Variants in EPB41L3 observed in about 807,000 individuals in gnomAD.
EPB41L3 encodes band 4.1-like protein 3.
A neutral mutation model predicts 127.1 loss-of-function variants in EPB41L3; 57 were observed. The ratio of observed to expected loss-of-function variants is 0.45; its 90% confidence interval spans 0.36 to 0.56. The LOEUF (loss-of-function observed/expected upper bound fraction) is 0.56, where lower values mean the gene tolerates loss of function less well. Ranked by LOEUF, EPB41L3 falls within the 20% of genes least tolerant of loss-of-function variation. The pLI is 0.00. For missense variants in EPB41L3, 1,273 were observed against 1,372.2 expected (o/e 0.93, Z 1.14); for synonymous variants, 572 against 549.5 (o/e 1.04, Z -0.57).
chr18:5,416,865 C>CA (rs1168460692), intron 12 of EPB41L3, among the ~76,000 whole-genome samples: 3 of 151,048 alleles, frequency 2.0e-5, no homozygotes, highest in Non-Finnish European at 4.4e-5. Flanking sequence ...AAAAAAAAAC[C>CA]AATCTCTAGC....
At chr18:5,476,619 A>G (rs2087282954) in intron 3 of EPB41L3, among the ~76,000 whole-genome samples, 1 of 152,218 alleles carries the variant, frequency 6.6e-6, no homozygotes, top group Admixed American at 6.5e-5. Flanking sequence ...TTATTCCATT[A>G]CATAAATGCA....
chr18:5,489,220 A>C, intron 1 of EPB41L3, 26 bp from the exon 2 acceptor site: 1 of 1,577,730 alleles, frequency 6.3e-7, no homozygotes, highest in Non-Finnish European at 8.5e-7. Context: ...AGGGAAGAGC[A>C]GGTCACTCCG....
rs72865100 is a variant in EPB41L3 at position 5,393,606 on chromosome 18, C to G, written c.*7-128G>C. On this transcript the variant is annotated intron_variant, in intron 22 of 22. Coordinates refer to ENST00000341928, the MANE Select transcript of EPB41L3 (RefSeq NM_012307.5). ...TGGACAAGATGCCATGACATTCCAG[C>G]GTTAAGTCACTGCCAATTACATGCT... 52 of 587,932 alleles carry G rather than the reference C, an allele frequency of 8.8e-5. No homozygotes were observed. The South Asian group carries it at 1.1e-3, about 12-fold the overall frequency. The allele number at this position is 587,932 out of a possible 1,614,324, so 36.4% of individuals were successfully genotyped here.
intron 6 of EPB41L3, among the ~76,000 whole-genome samples, chr18:5,435,695 T>C (rs2079670840): frequency 6.6e-6 from 1 of 152,212 alleles, no homozygotes; most frequent in Non-Finnish European, 1.5e-5. Flanking sequence ...TTAAGTGACA[T>C]GACTGTGTGA....
intron 3 of EPB41L3, among the ~76,000 whole-genome samples, chr18:5,447,675 C>T (rs548672004): frequency 2.6e-5 from 4 of 152,096 alleles, no homozygotes; most frequent in Non-Finnish European, 5.9e-5. Flanking sequence ...ATGCTGCAGG[C>T]GCCCTGGTTA....
chr18:5,515,508 A>C (rs913554604), intron 1 of EPB41L3, among the ~76,000 whole-genome samples: 1 of 152,226 alleles, frequency 6.6e-6, no homozygotes, highest in Non-Finnish European at 1.5e-5. Context: ...TCAGAATTGC[A>C]GAGAACATCA....
intron 6 of EPB41L3, among the ~76,000 whole-genome samples, chr18:5,436,403 CTT>C (rs34862547): frequency 0.034 from 3,410 of 100,342 alleles, 12 homozygotes; most frequent in Non-Finnish European, 0.05. Context: ...CATTTTCTTT[CTT>C]TTTTTTTTTT....
At chr18:5,433,410 TAAC>T (rs2079270294) in intron 8 of EPB41L3, 56 bp downstream of exon 8, 7 of 1,228,768 alleles carry the variant, frequency 5.7e-6, no homozygotes, top group East Asian at 2.4e-5. Context: ...CTTACAGTAA[TAAC>T]AACATCAAGT....
At chr18:5,541,059 TG>T (rs34242520) in intron 1 of EPB41L3, among the ~76,000 whole-genome samples, 17,717 of 121,608 alleles carry the variant, frequency 0.15, 1,274 homozygotes, top group Middle Eastern at 0.22. Flanking sequence ...CACTCCAGCC[TG>T]GGCGACAGAG....
chr18:5,403,590 C>CAAAAAAAAA (rs199992647), intron 16 of EPB41L3, among the ~76,000 whole-genome samples: 1 of 102,636 alleles, frequency 9.7e-6, no homozygotes. Flanking sequence ...TCACTGAGAC[C>CAAAAAAAAA]AAAAAAAAAA....
chr18:5,471,015 G>C (rs1358160410), intron 3 of EPB41L3, among the ~76,000 whole-genome samples: 1 of 152,152 alleles, frequency 6.6e-6, no homozygotes, highest in Non-Finnish European at 1.5e-5. Context: ...TGGGGGCCTG[G>C]ACTCTGAGGA....
chr18:5,503,699 C>A (rs1408789586), intron 1 of EPB41L3, among the ~76,000 whole-genome samples: 5 of 152,220 alleles, frequency 3.3e-5, no homozygotes, highest in Admixed American at 2.6e-4. Context: ...ATTCCCTAGT[C>A]AAGGCTATCA....
At chr18:5,622,785 A>G (rs761353858) in intron 1 of EPB41L3, among the ~76,000 whole-genome samples, 21 of 152,156 alleles carry the variant, frequency 1.4e-4, no homozygotes, top group Non-Finnish European at 2.5e-4. Context: ...GCTCTGCAGA[A>G]TGCTGTGACT....
chr18:5,522,026 G>A (rs984307717), intron 1 of EPB41L3, among the ~76,000 whole-genome samples: 5 of 152,070 alleles, frequency 3.3e-5, no homozygotes, highest in East Asian at 1.9e-4. Context: ...ACCTCAAAAC[G>A]ATGTTTACAA....
chr18:5,441,596 G>A (rs916220203), intron 5 of EPB41L3, among the ~76,000 whole-genome samples: 8 of 152,086 alleles, frequency 5.3e-5, no homozygotes, highest in African/African-American at 1.2e-4. Context: ...CTCCCGAGTA[G>A]CTGGGACTAC....
chr18:5,502,152 C>A (rs899691789), intron 1 of EPB41L3, among the ~76,000 whole-genome samples: 3 of 152,186 alleles, frequency 2.0e-5, no homozygotes, highest in African/African-American at 7.2e-5. Context: ...GAATGTCCCA[C>A]ACAATGGACA....
chr18:5,416,181 ATCCC>A lies in EPB41L3; in HGVS notation c.1700_1703del (p.Gly567ValfsTer33). 3.1e-6 allele frequency: 5 copies of A among 1,614,096 alleles called. No homozygotes were observed. Among genetic ancestry groups the A allele is most frequent in the Non-Finnish European group, 4.2e-6 (5 of 1,179,986 alleles). The stretch of plus-strand genomic sequence containing the variant: ...GTCTGTAGCTAAAAGCCACATCTTG[ATCCC>A]CTAGGTAAGGCCTCCCTGGGCCATC... On this transcript the variant is annotated frameshift_variant, in exon 13 of 23. Transcript: ENST00000341928. LOFTEE classifies it high-confidence loss of function.
chr18:5,394,761 C>T lies in EPB41L3; in HGVS notation c.3186G>A (p.Glu1062=). The T allele has an allele frequency of 2.5e-6, 4 of 1,614,152 alleles. No homozygotes were observed. The highest frequency in any genetic ancestry group is 3.4e-6 in the Non-Finnish European group (4 of 1,180,020). Reference sequence around the variant, plus strand: ...TGGTCACTGACATGTCAGGGTGCTGCTCTTTGGCCTCTTTAATTGCCTGAG... The same window carrying T: ...TGGTCACTGACATGTCAGGGTGCTGTTCTTTGGCCTCTTTAATTGCCTGAG... The part of the protein sequence containing the change: ...ALAQAIKEAK[E]QHPDMSVTKV... The change falls in exon 22 of 23, where the codon GAG becomes GAA. Residue 1062 remains glutamate, a synonymous_variant. Transcript: ENST00000341928.
intron 1 of EPB41L3, among the ~76,000 whole-genome samples, chr18:5,512,321 A>G (rs1358556985): frequency 1.3e-5 from 2 of 152,232 alleles, no homozygotes; most frequent in African/African-American, 4.8e-5. Flanking sequence ...TGGGCACTCA[A>G]CCTTGACTGG....
Sources: allele counts gnomAD v4.1 joint callset (sites outside exome capture counted in the v4.1 genomes callset), GRCh38; gene constraint gnomAD v4.1.1; transcripts MANE v1.5; gene names NCBI Gene and HGNC (gene_info 2026-07-23, HGNC 2026-07-21).